Variants in GRIA1 observed in about 807,000 individuals in gnomAD.
GRIA1 encodes glutamate receptor 1.
Under a neutral mutation model 99.2 loss-of-function variants are expected in GRIA1, and 31 were observed. The ratio of observed to expected loss-of-function variants is 0.31; its 90% CI spans 0.23 to 0.42. The LOEUF (loss-of-function observed/expected upper bound fraction) is 0.42. Among genes scored for constraint, GRIA1 ranks in the 10% least tolerant of loss-of-function variants. GRIA1 has a pLI of 1.00. For missense variants in GRIA1, 782 were observed against 1,157.5 expected, an observed-to-expected ratio of 0.68 and a Z score of 4.71; for synonymous variants, 438 against 432.4, an observed-to-expected ratio of 1.01 and a Z score of -0.16.
intron 2 of GRIA1, among the ~76,000 whole-genome samples, chr5:153,540,315 G>T (rs1231531035): frequency 6.6e-6 from 1 of 152,214 alleles, no homozygotes; most frequent in African/African-American, 2.4e-5. Context: ...GGGTAGAAAG[G>T]AAACTACAGC....
chr5:153,644,550 A>G (rs1257538604), intron 2 of GRIA1, among the ~76,000 whole-genome samples: 1 of 152,220 alleles, frequency 6.6e-6, no homozygotes, highest in Non-Finnish European at 1.5e-5. Flanking sequence ...GCTTTTGGGC[A>G]CAAAGAAGCA....
intron 3 of GRIA1, among the ~76,000 whole-genome samples, chr5:153,650,054 G>A (rs1050710916): frequency 2.0e-4 from 31 of 152,190 alleles, no homozygotes; most frequent in African/African-American, 7.5e-4. Flanking sequence ...AGAAACTAAA[G>A]TTTGAAGAGG....
At chr5:153,623,880 T>G (rs1767309745) in intron 2 of GRIA1, among the ~76,000 whole-genome samples, 1 of 152,208 alleles carries the variant, frequency 6.6e-6, no homozygotes, top group Non-Finnish European at 1.5e-5. Context: ...CAATATGTTT[T>G]ATGGCGTCAG....
chr5:153,811,093 C>A lies in GRIA1; in HGVS notation c.2589C>A (p.Ser863Arg). The A allele has an allele frequency of 1.2e-6, 2 of 1,613,736 alleles. No individual in the cohort carries two copies. The highest frequency in any genetic ancestry group is 1.7e-6 in the Non-Finnish European group (2 of 1,179,670). ...GGACATCGACCCTCCCCCGCAACAG[C>A]GGGGCAGGAGCCAGCAGCGGCGGCA... ...AIRTSTLPRN[S>R]GAGASSGGSG... Residue 863 changes from serine (S) to arginine (R), a missense_variant, in exon 16 of 16, where the codon AGC (serine) becomes AGA (arginine). This residue lies in a region of GRIA1 where 76 missense variants were observed against 81.2 expected (regional missense o/e 0.94). Coordinates refer to ENST00000285900, the MANE Select transcript of GRIA1 (RefSeq NM_000827.4).
At chr5:153,561,072 T>G (rs1318044272) in intron 2 of GRIA1, among the ~76,000 whole-genome samples, 1 of 152,170 alleles carries the variant, frequency 6.6e-6, no homozygotes, top group East Asian at 1.9e-4. Flanking sequence ...CAAGACAGCA[T>G]TGGAGTAAAG....
intron 15 of GRIA1, among the ~76,000 whole-genome samples, chr5:153,803,825 C>T (rs967175724): frequency 6.6e-6 from 1 of 152,144 alleles, no homozygotes; most frequent in African/African-American, 2.4e-5. Flanking sequence ...CCTGCCCAGC[C>T]TCTCCCTGCC....
intron 1 of GRIA1, among the ~76,000 whole-genome samples, chr5:153,492,570 C>G (rs1754027557): frequency 6.6e-6 from 1 of 152,096 alleles, no homozygotes; most frequent in Admixed American, 6.5e-5. Flanking sequence ...ATCACTGGCT[C>G]TTACATGTGG....
chr5:153,575,576 A>G lies in GRIA1; in HGVS notation c.221-71352A>G, dbSNP rs546652588. Among the ~76,000 whole-genome samples, 69 of 152,314 alleles carry G rather than the reference A, an allele frequency of 4.5e-4. No individual in the cohort carries two copies. In the South Asian group the frequency reaches 0.011, roughly 24 times the overall value. On this transcript the variant is annotated intron_variant, in intron 2 of 15. Transcript: ENST00000285900. Reference sequence around the variant, plus strand: ...AACTCTATGAGGCTACAAATCAGAGATTGAAACCTAAAGAGGGAACAGGGC... The same window carrying G: ...AACTCTATGAGGCTACAAATCAGAGGTTGAAACCTAAAGAGGGAACAGGGC...
chr5:153,566,304 C>CTT (rs55872840), intron 2 of GRIA1, among the ~76,000 whole-genome samples: 2,159 of 36,582 alleles, frequency 0.059, 467 homozygotes, highest in Middle Eastern at 0.21. Flanking sequence ...AATTCCCTGC[C>CTT]TTTTTTTTTT....
chr5:153,526,987 C>CA (rs1280981301), intron 2 of GRIA1, among the ~76,000 whole-genome samples: 1 of 152,200 alleles, frequency 6.6e-6, no homozygotes, highest in Non-Finnish European at 1.5e-5. Flanking sequence ...GAGAGACTAG[C>CA]ACTTGGTGGG....
intron 11 of GRIA1, among the ~76,000 whole-genome samples, chr5:153,742,182 C>A (rs1192444232): frequency 6.6e-6 from 1 of 152,056 alleles, no homozygotes; most frequent in Non-Finnish European, 1.5e-5. Flanking sequence ...AAGAAGTTGT[C>A]ATTGGAGATG....
rs73802727 is a variant in GRIA1, at chr5:153,720,294, G to T, written c.1823+14227G>T. Among the ~76,000 whole-genome samples, 498 of 152,280 alleles carry T rather than the reference G, an allele frequency of 3.3e-3. 2 individuals are homozygous for T. Among genetic ancestry groups the T allele is most frequent in the African/African-American group, 0.011 (471 of 41,554 alleles). ...CAATTTTTTAAAGGACTAATGTTTA[G>T]ACTTCAACACCTTTCAGGTTATGTA... On this transcript the variant is annotated intron_variant, in intron 11 of 15. Coordinates refer to ENST00000285900, the MANE Select transcript of GRIA1 (RefSeq NM_000827.4).
chr5:153,588,260 C>G (rs897002046), intron 2 of GRIA1, among the ~76,000 whole-genome samples: 2 of 152,142 alleles, frequency 1.3e-5, no homozygotes, highest in Admixed American at 1.3e-4. Context: ...CCTAGTCTCC[C>G]CTTCTGGCTC....
At chr5:153,726,197 A>T (rs534245919) in intron 11 of GRIA1, among the ~76,000 whole-genome samples, 122 of 151,552 alleles carry the variant, frequency 8.1e-4, no homozygotes, top group Non-Finnish European at 1.1e-3. Context: ...ACCAACGAGA[A>T]CAAAGACACA....
At chr5:153,607,042 G>GATAT (rs59233877) in intron 2 of GRIA1, among the ~76,000 whole-genome samples, 8,071 of 127,620 alleles carry the variant, frequency 0.063, 326 homozygotes, top group Non-Finnish European at 0.086. Flanking sequence ...TATCACAAAA[G>GATAT]ATATATATAT....
chr5:153,663,808 A>G (rs1376383488), intron 5 of GRIA1, among the ~76,000 whole-genome samples: 1 of 152,244 alleles, frequency 6.6e-6, no homozygotes, highest in African/African-American at 2.4e-5. Context: ...ATCAAAAAAT[A>G]TCTCTCATAG....
At chr5:153,557,109 AC>A (rs1220237826) in intron 2 of GRIA1, among the ~76,000 whole-genome samples, 1 of 152,232 alleles carries the variant, frequency 6.6e-6, no homozygotes, top group Non-Finnish European at 1.5e-5. Flanking sequence ...TAAGGCACTT[AC>A]CATGAATGGA....
intron 2 of GRIA1, among the ~76,000 whole-genome samples, chr5:153,563,310 G>T (rs190595591): frequency 1.6e-3 from 244 of 152,150 alleles, no homozygotes; most frequent in African/African-American, 5.6e-3. Flanking sequence ...TCCAGCCCAC[G>T]AGCCCCACGT....
At chr5:153,757,139 A>G (rs1169524551) in intron 11 of GRIA1, among the ~76,000 whole-genome samples, 1 of 152,190 alleles carries the variant, frequency 6.6e-6, no homozygotes, top group Non-Finnish European at 1.5e-5. Context: ...GAAAAATACA[A>G]ATTAATGAAT....
Sources: allele counts gnomAD v4.1 joint callset (sites outside exome capture counted in the v4.1 genomes callset), GRCh38; gene constraint gnomAD v4.1.1; regional missense constraint gnomAD v4.1.1; transcripts MANE v1.5; gene names NCBI Gene and HGNC (gene_info 2026-07-23, HGNC 2026-07-21).